CTNNA2: variants seen among roughly 807,000 people sequenced by gnomAD.
CTNNA2 encodes the protein catenin alpha 2, also known as catenin alpha-2.
Under a neutral mutation model 101.0 loss-of-function variants are expected in CTNNA2, and 42 were observed. The observed-to-expected ratio is 0.42, with a 90% confidence interval of 0.32 to 0.54. CTNNA2 has a LOEUF of 0.54. Among genes scored for constraint, CTNNA2 ranks in the 20% least tolerant of loss-of-function variants. The pLI, the probability that CTNNA2 is intolerant of heterozygous loss-of-function variation, is 0.14. For synonymous variants in CTNNA2, 450 were observed against 456.4 expected (o/e 0.99, Z 0.18); for missense variants, 871 against 1,223.1 (o/e 0.71, Z 4.29).
chr2:80,192,997 A>T (rs1706614868), intron 7 of CTNNA2, among the ~76,000 whole-genome samples: 1 of 152,100 alleles, frequency 6.6e-6, no homozygotes, highest in Non-Finnish European at 1.5e-5. Context: ...TGTATACAGG[A>T]TTGTAGGTCA....
At chr2:80,121,513 C>T (rs1469982697) in intron 7 of CTNNA2, among the ~76,000 whole-genome samples, 1 of 152,044 alleles carries the variant, frequency 6.6e-6, no homozygotes, top group Non-Finnish European at 1.5e-5. Flanking sequence ...GGCAGTTTTC[C>T]ATAGTAAGTG....
At chr2:79,929,644 A>G (rs924610677) in intron 7 of CTNNA2, among the ~76,000 whole-genome samples, 1 of 152,202 alleles carries the variant, frequency 6.6e-6, no homozygotes, top group Non-Finnish European at 1.5e-5. Context: ...CTAGACATGC[A>G]TCTGTTGGTT....
chr2:79,903,835 G>A lies in CTNNA2; in HGVS notation c.853-5759G>A, dbSNP rs1266399566. Among the ~76,000 whole-genome samples, 4 of 152,292 alleles carry A rather than the reference G, an allele frequency of 2.6e-5. No individual in the cohort carries two copies. The East Asian group carries it at 7.8e-4, about 30-fold the overall frequency. ...CTGTTGGGCAGGAGCATGCGCCTGT[G>A]CTTAGTGATTGACTGGCGCTGCCTG... is the stretch of plus-strand genomic sequence containing the variant. On this transcript the variant is annotated intron_variant, in intron 6 of 18. Transcript: ENST00000402739.
intron 2 of CTNNA2, among the ~76,000 whole-genome samples, chr2:79,669,440 C>G (rs58121158): frequency 0.34 from 51,224 of 152,046 alleles, 9,458 homozygotes; most frequent in East Asian, 0.71. Context: ...AACACCTTTG[C>G]CCGAGTTCTT....
chr2:80,034,355 T>TTC (rs1695512180), intron 7 of CTNNA2, among the ~76,000 whole-genome samples: 1 of 21,674 alleles, frequency 4.6e-5, no homozygotes, highest in Non-Finnish European at 9.5e-5. Flanking sequence ...TTTTTTTTTC[T>TTC]TTTTTTTTTT....
chr2:79,381,172 A>G (rs1388209348), intron 4 of CTNNA2, among the ~76,000 whole-genome samples: 1 of 152,212 alleles, frequency 6.6e-6, no homozygotes, highest in African/African-American at 2.4e-5. Flanking sequence ...AAGAACTCAC[A>G]AGCGTATTTA....
At chr2:79,690,554 T>C (rs1233686068) in intron 2 of CTNNA2, among the ~76,000 whole-genome samples, 1 of 151,956 alleles carries the variant, frequency 6.6e-6, no homozygotes, top group Non-Finnish European at 1.5e-5. Context: ...GGCTTTTGGG[T>C]TGGTTCCAAG....
chr2:80,481,880 C>G (rs1401626002), intron 9 of CTNNA2, among the ~76,000 whole-genome samples: 6 of 151,994 alleles, frequency 3.9e-5, no homozygotes, highest in Non-Finnish European at 7.4e-5. Context: ...TTCCACAAAC[C>G]TAGAAGGTAA....
intron 2 of CTNNA2, among the ~76,000 whole-genome samples, chr2:79,289,702 G>A (rs1171243884): frequency 3.9e-5 from 6 of 152,118 alleles, no homozygotes; most frequent in Non-Finnish European, 2.9e-5. Flanking sequence ...CTGAGATTGC[G>A]CCACTGCATT....
At chr2:79,494,498 G>A (rs930122728) in intron 4 of CTNNA2, among the ~76,000 whole-genome samples, 4 of 152,086 alleles carry the variant, frequency 2.6e-5, no homozygotes, top group Admixed American at 6.6e-5. Flanking sequence ...GACCCGGGAA[G>A]TAAAACTGCA....
At chr2:80,551,258 T>G (rs1692532648) in intron 11 of CTNNA2, among the ~76,000 whole-genome samples, 1 of 152,184 alleles carries the variant, frequency 6.6e-6, no homozygotes, top group African/African-American at 2.4e-5. Context: ...TCTTCGTTGT[T>G]CCATTTATAG....
chr2:79,716,057 TC>T (rs1428391149), intron 2 of CTNNA2, among the ~76,000 whole-genome samples: 2 of 151,806 alleles, frequency 1.3e-5, no homozygotes, highest in Non-Finnish European at 2.9e-5. Flanking sequence ...GACAATATCT[TC>T]CCCCTGTTAG....
intron 2 of CTNNA2, among the ~76,000 whole-genome samples, chr2:79,688,682 G>A (rs1573685021): frequency 6.6e-6 from 1 of 151,940 alleles, no homozygotes; most frequent in Non-Finnish European, 1.5e-5. Flanking sequence ...TTCTCTTCTG[G>A]AAAGAGAATA....
intron 9 of CTNNA2, among the ~76,000 whole-genome samples, chr2:80,499,245 T>C (rs914623733): frequency 4.6e-5 from 7 of 152,206 alleles, no homozygotes; most frequent in Non-Finnish European, 1.0e-4. Flanking sequence ...TATTTTATAA[T>C]TCTGAAGGCG....
At chr2:80,581,655 G>A (rs1001901312) in intron 13 of CTNNA2, 51 bp from the exon 14 acceptor site, 2 of 1,136,616 alleles carry the variant, frequency 1.8e-6, no homozygotes, top group East Asian at 2.3e-5. Context: ...GTGTGGATGG[G>A]GGTGAAGATT....
rs1387872477 is a variant in CTNNA2, at chr2:79,283,642, T to G, written c.-405-29067T>G. ...TATCTCTGTTTTGGTACCAGTACCA[T>G]GCTGTTTTGGTTACTGTAGCCTTGT... is the stretch of plus-strand genomic sequence containing the variant. On this transcript the variant is annotated intron_variant, in intron 2 of 21. Coordinates refer to the CTNNA2 transcript ENST00000466387. Among the ~76,000 whole-genome samples the G allele has an allele frequency of 6.3e-5, 8 of 127,798 alleles. No individual in the cohort carries two copies. The East Asian group carries it at 7.9e-4, about 13-fold the overall frequency. 83.8% of individuals were successfully genotyped at this position (127,798 alleles called of 152,430 possible). A position where few individuals can be genotyped will look rare whatever the true frequency, so the allele number is the denominator to read the frequency against.
At chr2:80,011,555 A>G (rs1693785811) in intron 7 of CTNNA2, among the ~76,000 whole-genome samples, 1 of 151,552 alleles carries the variant, frequency 6.6e-6, no homozygotes, top group Non-Finnish European at 1.5e-5. Flanking sequence ...TTCTAGCGCT[A>G]GTTCTGCCAG....
At chr2:79,933,530 C>T (rs2104429912) in intron 7 of CTNNA2, among the ~76,000 whole-genome samples, 1 of 151,796 alleles carries the variant, frequency 6.6e-6, no homozygotes, top group South Asian at 2.1e-4. Context: ...TCTCGGCTCA[C>T]TGCAACCTCT....
At chr2:79,550,096 G>A (rs1408997335) in intron 1 of CTNNA2, among the ~76,000 whole-genome samples, 2 of 151,996 alleles carry the variant, frequency 1.3e-5, no homozygotes, top group African/African-American at 4.8e-5. Flanking sequence ...GTGAGGGAGG[G>A]GGCACAATAA....
Sources: allele counts gnomAD v4.1 joint callset (sites outside exome capture counted in the v4.1 genomes callset), GRCh38; gene constraint gnomAD v4.1.1; transcripts MANE v1.5; gene names NCBI Gene and HGNC (gene_info 2026-07-23, HGNC 2026-07-21).